BMPR1A: variants seen among roughly 807,000 people sequenced by gnomAD.
BMPR1A encodes bone morphogenetic protein receptor type-1A.
BMPR1A carries 7 observed loss-of-function variants against 66.0 expected under a neutral mutation model. That is an observed-to-expected ratio of 0.11 (90% CI 0.06 to 0.20). The LOEUF is 0.20. Ranked by LOEUF, BMPR1A falls within the 10% of genes least tolerant of loss-of-function variation. BMPR1A has a pLI of 1.00. For missense variants in BMPR1A, 408 were observed against 669.1 expected (o/e 0.61, Z 4.31); for synonymous variants, 200 against 229.7 (o/e 0.87, Z 1.17).
At chr10:86,814,509 C>T (rs1462406263) in intron 1 of BMPR1A, among the ~76,000 whole-genome samples, 1 of 151,972 alleles carries the variant, frequency 6.6e-6, no homozygotes, top group Middle Eastern at 3.2e-3. Context: ...AATATTCATT[C>T]TTGTGTTCCT....
intron 3 of BMPR1A, among the ~76,000 whole-genome samples, chr10:86,883,631 C>T (rs1003199864): frequency 6.1e-5 from 9 of 148,022 alleles, no homozygotes; most frequent in African/African-American, 2.0e-4. Flanking sequence ...ATTAGCCGGG[C>T]GTGGTGGCAG....
intron 2 of BMPR1A, among the ~76,000 whole-genome samples, chr10:86,852,590 TA>T (rs1428366721): frequency 2.0e-5 from 3 of 152,162 alleles, no homozygotes; most frequent in Non-Finnish European, 2.9e-5. Context: ...ACTTAGGACA[TA>T]TTAAAACGTG....
chr10:86,836,787 G>T (rs900711372), intron 1 of BMPR1A, among the ~76,000 whole-genome samples: 2 of 152,032 alleles, frequency 1.3e-5, no homozygotes, highest in African/African-American at 4.8e-5. Flanking sequence ...ATAAAAATTA[G>T]CTGGGCATGG....
intron 1 of BMPR1A, among the ~76,000 whole-genome samples, chr10:86,760,188 GTTTTTTTTTTT>G (rs58326501): frequency 1.9e-5 from 1 of 53,380 alleles, no homozygotes; most frequent in Non-Finnish European, 3.3e-5. Context: ...AGATTTACCT[GTTTTTTTTTTT>G]TTTTTTTTTT....
At chr10:86,777,557 G>T (rs1841371010) in intron 1 of BMPR1A, among the ~76,000 whole-genome samples, 1 of 151,882 alleles carries the variant, frequency 6.6e-6, no homozygotes, top group African/African-American at 2.4e-5. Flanking sequence ...ACTCCAGTGG[G>T]TGACTGAGCC....
chr10:86,888,070 T>G (rs971295578), intron 3 of BMPR1A, among the ~76,000 whole-genome samples: 9 of 152,042 alleles, frequency 5.9e-5, no homozygotes, highest in African/African-American at 2.2e-4. Flanking sequence ...GACATTATAT[T>G]ACGGAATTTA....
chr10:86,842,200 CG>C (rs1307947136), intron 2 of BMPR1A, among the ~76,000 whole-genome samples: 1 of 152,008 alleles, frequency 6.6e-6, no homozygotes, highest in African/African-American at 2.4e-5. Context: ...TGGGTAGTGT[CG>C]GAATTTAATT....
intron 1 of BMPR1A, among the ~76,000 whole-genome samples, chr10:86,811,660 T>C (rs181948657): frequency 1.8e-4 from 27 of 152,292 alleles, no homozygotes; most frequent in African/African-American, 5.8e-4. Context: ...AGGCAGTCAG[T>C]ATGCTATTAT....
Position 86,925,437 on chromosome 10 carries a change from C to T in BMPR1A, c.*1718C>T, listed in dbSNP as rs144044369. On this transcript the variant is annotated 3_prime_UTR_variant, in exon 13 of 13. Coordinates refer to ENST00000372037, the MANE Select transcript of BMPR1A (RefSeq NM_004329.3). ...TTAAGGTTAAAACTTACAAATTTGT[C>T]TGCACATCAAATTTCACAAATTTGA... 737 of 215,946 alleles carry T rather than the reference C, an allele frequency of 3.4e-3. 2 individuals carry two copies. Among genetic ancestry groups the T allele is most frequent in the African/African-American group, 7.4e-3 (329 of 44,472 alleles). The allele number at this position is 215,946 out of a possible 1,614,324, so 13.4% of individuals were successfully genotyped here. A position where few individuals can be genotyped will look rare whatever the true frequency, so the allele number is the denominator to read the frequency against.
At chr10:86,761,062 C>A (rs1033984310) in intron 1 of BMPR1A, among the ~76,000 whole-genome samples, 2 of 152,110 alleles carry the variant, frequency 1.3e-5, no homozygotes, top group Non-Finnish European at 2.9e-5. Context: ...CTAATCAAAG[C>A]TCTTGGATGT....
chr10:86,831,318 T>A (rs564295120), intron 1 of BMPR1A, among the ~76,000 whole-genome samples: 24 of 152,350 alleles, frequency 1.6e-4, no homozygotes, highest in Admixed American at 2.6e-4. Context: ...TTTTCTTCGA[T>A]ATTTGGGATG....
chr10:86,772,126 G>GTTTTTTTTTTTTTTTTTTTT (rs777280640), intron 1 of BMPR1A, among the ~76,000 whole-genome samples: 1 of 88,872 alleles, frequency 1.1e-5, no homozygotes, highest in African/African-American at 4.8e-5. Flanking sequence ...TCAGAGATAG[G>GTTTTTTTTTTTTTTTTTTTT]TTTTTTTTTT....
chr10:86,785,950 A>G (rs2132737534), intron 1 of BMPR1A, among the ~76,000 whole-genome samples: 1 of 152,262 alleles, frequency 6.6e-6, no homozygotes, highest in Non-Finnish European at 1.5e-5. Context: ...TGTGACCTAA[A>G]TGATCATTTA....
chr10:86,881,499 A>G (rs972843374), intron 3 of BMPR1A, among the ~76,000 whole-genome samples: 2 of 152,210 alleles, frequency 1.3e-5, no homozygotes, highest in Non-Finnish European at 2.9e-5. Flanking sequence ...CCTTAAAAAC[A>G]GAGATAAGCA....
At chr10:86,886,595 G>A (rs565070549) in intron 3 of BMPR1A, among the ~76,000 whole-genome samples, 27 of 152,300 alleles carry the variant, frequency 1.8e-4, no homozygotes, top group Middle Eastern at 6.8e-3. Context: ...GTCATGGCTA[G>A]AGGGGGTACA....
chr10:86,930,106 G>GC (rs1843793454), downstream of BMPR1A: 1 of 152,262 alleles, frequency 6.6e-6, no homozygotes, highest in Non-Finnish European at 1.5e-5. Context: ...CCTACTATCA[G>GC]CGGCACTGCT....
intron 1 of BMPR1A, among the ~76,000 whole-genome samples, chr10:86,765,001 A>G (rs957863879): frequency 6.6e-6 from 1 of 152,202 alleles, no homozygotes; most frequent in Non-Finnish European, 1.5e-5. Context: ...GCTTGAGCCC[A>G]GCAGCTTGAG....
intron 3 of BMPR1A, among the ~76,000 whole-genome samples, chr10:86,883,124 A>C (rs1374093679): frequency 6.6e-6 from 1 of 152,102 alleles, no homozygotes; most frequent in Admixed American, 6.6e-5. Flanking sequence ...CTCTACCCCC[A>C]TGCACTTCTC....
chr10:86,883,357 T>C (rs1471582329), intron 3 of BMPR1A, among the ~76,000 whole-genome samples: 1 of 151,936 alleles, frequency 6.6e-6, no homozygotes, highest in Non-Finnish European at 1.5e-5. Flanking sequence ...GAGACCATCC[T>C]GGCTAACACG....
Sources: allele counts gnomAD v4.1 joint callset (sites outside exome capture counted in the v4.1 genomes callset), GRCh38; gene constraint gnomAD v4.1.1; transcripts MANE v1.5; gene names NCBI Gene and HGNC (gene_info 2026-07-23, HGNC 2026-07-21).